PNPLA8: variants seen among roughly 807,000 people sequenced by gnomAD.
PNPLA8 encodes calcium-independent phospholipase A2-gamma.
A neutral mutation model predicts 76.9 loss-of-function variants in PNPLA8; 39 were observed. That is an observed-to-expected ratio of 0.51 (90% CI 0.39 to 0.66). The LOEUF (loss-of-function observed/expected upper bound fraction) is 0.66, where lower values mean the gene tolerates loss of function less well. Ranked by LOEUF, PNPLA8 falls within the 30% of genes least tolerant of loss-of-function variation. The probability of loss-of-function intolerance (pLI) is 0.00; values close to 1 mark genes in which losing one functional copy is unlikely to be tolerated. For synonymous variants in PNPLA8, 301 were observed against 307.9 expected, an observed-to-expected ratio of 0.98 and a Z score of 0.24; for missense variants, 887 against 918.0, an observed-to-expected ratio of 0.97 and a Z score of 0.44.
intron 6 of PNPLA8, 94 bp downstream of exon 6, chr7:108,497,389 G>T: frequency 3.7e-6 from 3 of 817,070 alleles, no homozygotes; most frequent in South Asian, 1.9e-5. Flanking sequence ...GAGGGCTGAA[G>T]AAGGCAAAGG....
At chr7:108,518,432 A>G (rs561840198) in intron 2 of PNPLA8, 2 of 152,240 alleles carry the variant, frequency 1.3e-5, no homozygotes, top group Admixed American at 6.5e-5. Context: ...ATGGATAAAT[A>G]TAATTATACA....
chr7:108,526,486 C>G (rs943022714), upstream of PNPLA8, among the ~76,000 whole-genome samples: 2 of 152,218 alleles, frequency 1.3e-5, no homozygotes, highest in African/African-American at 4.8e-5. Flanking sequence ...GAGCAGTGTC[C>G]TGGTTTGCTT....
chr7:108,525,142 T>C (rs1170845821), intron 1 of PNPLA8, among the ~76,000 whole-genome samples: 2 of 152,226 alleles, frequency 1.3e-5, no homozygotes, highest in Non-Finnish European at 2.9e-5. Flanking sequence ...AACATGTTCT[T>C]ATATTGAAAG....
At chr7:108,525,857 C>T (rs1864039183) in intron 1 of PNPLA8, among the ~76,000 whole-genome samples, 172 bp downstream of exon 1, 2 of 152,346 alleles carry the variant, frequency 1.3e-5, no homozygotes, top group South Asian at 4.1e-4. Context: ...AGCTCCAGGA[C>T]CTGCGGGCTC....
At chr7:108,523,739 C>T (rs547579017) in intron 1 of PNPLA8, among the ~76,000 whole-genome samples, 3 of 152,296 alleles carry the variant, frequency 2.0e-5, no homozygotes, top group East Asian at 1.9e-4. Context: ...ACGGTGTTGT[C>T]GGTAAATTTT....
intron 1 of PNPLA8, among the ~76,000 whole-genome samples, chr7:108,525,301 T>C (rs184077234): frequency 6.6e-6 from 1 of 152,354 alleles, no homozygotes; most frequent in East Asian, 1.9e-4. Flanking sequence ...TCTCAGAAAT[T>C]AGGACTGCAG....
intron 2 of PNPLA8, among the ~76,000 whole-genome samples, chr7:108,516,087 A>G (rs1310598589): frequency 1.3e-5 from 2 of 152,252 alleles, no homozygotes; most frequent in African/African-American, 2.4e-5. Flanking sequence ...AGCTGCTGAT[A>G]GCCATGTGAA....
chr7:108,511,399 GATA>G (rs1289422080), intron 4 of PNPLA8, among the ~76,000 whole-genome samples: 1 of 152,154 alleles, frequency 6.6e-6, no homozygotes, highest in Admixed American at 6.5e-5. Flanking sequence ...TGTGTGTCTT[GATA>G]TGATGCATTA....
intron 4 of PNPLA8, among the ~76,000 whole-genome samples, chr7:108,506,942 T>C (rs1372626479): frequency 2.0e-5 from 3 of 152,114 alleles, no homozygotes; most frequent in Non-Finnish European, 4.4e-5. Context: ...GTTCTCTATA[T>C]ATAATATTTT....
At chr7:108,479,460 T>A (rs907459970) in intron 9 of PNPLA8, 81 bp from the exon 10 acceptor site, 1 of 967,862 alleles carries the variant, frequency 1.0e-6, no homozygotes, top group African/African-American at 1.7e-5. Context: ...CTAAATAAAT[T>A]ATTTAAAACC....
chr7:108,523,346 C>T (rs780537431), intron 1 of PNPLA8, among the ~76,000 whole-genome samples: 5 of 152,144 alleles, frequency 3.3e-5, no homozygotes, highest in Middle Eastern at 3.2e-3. Context: ...TCGAGCAGAC[C>T]ATCCAGAGGG....
intron 10 of PNPLA8, among the ~76,000 whole-genome samples, chr7:108,477,247 A>G (rs929940991): frequency 2.0e-5 from 3 of 152,360 alleles, no homozygotes; most frequent in Non-Finnish European, 4.4e-5. Context: ...AACATGTTGT[A>G]CAACTTAAAT....
chr7:108,507,585 G>A (rs1412083667), intron 4 of PNPLA8, among the ~76,000 whole-genome samples: 1 of 152,040 alleles, frequency 6.6e-6, no homozygotes, highest in East Asian at 1.9e-4. Flanking sequence ...GGCAGAAGTT[G>A]CAGTGAGTGA....
intron 1 of PNPLA8, among the ~76,000 whole-genome samples, chr7:108,524,334 G>T (rs549859772): frequency 2.0e-5 from 3 of 152,154 alleles, no homozygotes; most frequent in Non-Finnish European, 4.4e-5. Flanking sequence ...CTCTGGTTTA[G>T]GGAGAGCGAC....
upstream of PNPLA8, among the ~76,000 whole-genome samples, chr7:108,526,629 C>T (rs573411200): frequency 2.6e-4 from 40 of 152,344 alleles, no homozygotes; most frequent in African/African-American, 9.6e-4. Flanking sequence ...CCCGGCGCGG[C>T]CGCGCCCCTT....
intron 4 of PNPLA8, among the ~76,000 whole-genome samples, chr7:108,505,325 TATATATATATATATATATATATATATA>T (rs1237293165): frequency 0.071 from 649 of 9,168 alleles, 27 homozygotes; most frequent in African/African-American, 0.099. Flanking sequence ...TATATATATA[TATATATATATATATATATATATATATA>T]TTTTTTTTTT....
At position 108,471,704 on chromosome 7, in the gene PNPLA8, T is replaced by C. The variant is rs1481204719; in HGVS notation, c.*697A>G. On this transcript the variant is annotated 3_prime_UTR_variant, in exon 11 of 11. Transcript: ENST00000257694. ...CAAACCATTTTATAACAGGGAAGAA[T>C]AAGCTAGTGTTAGATCTGGAAAAGT... is the stretch of plus-strand genomic sequence containing the variant. 1 of 152,230 alleles carries C rather than the reference T, an allele frequency of 6.6e-6. No homozygotes were observed. Among genetic ancestry groups the C allele is most frequent in the African/African-American group, 2.4e-5 (1 of 41,464 alleles). The allele number at this position is 152,230 out of a possible 1,614,324, so 9.4% of individuals were successfully genotyped here.
In PNPLA8 at chr7:108,479,293, T is replaced by C. The variant is rs139785079; in HGVS notation, c.1965A>G (p.Ile655Met). ...CATAACGTCCAGTGCCCAGGGATACTATGCACTCTAACGGCACATCTGGCC... is the reference window on the plus strand; with the variant it reads ...CATAACGTCCAGTGCCCAGGGATACCATGCACTCTAACGGCACATCTGGCC... Reference protein sequence around the residue: ...CLWPDVPLECIVSLGTGRYES... With the variant: ...CLWPDVPLECMVSLGTGRYES... Residue 655 changes from isoleucine (I) to methionine (M), a missense_variant, in exon 10 of 11, where the codon ATA becomes ATG. Ile to Met is a conservative substitution (Grantham distance 10). Transcript: ENST00000257694. 3.7e-6 allele frequency: 6 copies of C among 1,612,216 alleles called. No individual in the cohort carries two copies. In the African/African-American group the frequency reaches 5.3e-5, roughly 14 times the overall value.
intron 4 of PNPLA8, among the ~76,000 whole-genome samples, chr7:108,509,662 C>A (rs1339024109): frequency 1.3e-5 from 2 of 151,720 alleles, no homozygotes; most frequent in Non-Finnish European, 2.9e-5. Flanking sequence ...TTTGACCCAG[C>A]CATTCCATTA....
Sources: gnomAD v4.1 joint callset for allele counts (sites outside exome capture counted in the v4.1 genomes callset) on GRCh38, gnomAD v4.1.1 for gene constraint, MANE v1.5 for transcripts, NCBI Gene and HGNC (gene_info 2026-07-23, HGNC 2026-07-21) for gene names.